The following LYPLAL1 variants were observed in gnomAD, a reference collection of about 807,000 sequenced individuals.
LYPLAL1 encodes the protein lysophospholipase-like protein 1.
LYPLAL1 carries 23 observed loss-of-function variants against 19.7 expected under a neutral mutation model. That is an observed-to-expected ratio of 1.17 (90% CI 0.84 to 1.65). The LOEUF is 1.65. Ranked by LOEUF, LYPLAL1 falls within the 40% of genes most tolerant of loss-of-function variation. The probability of loss-of-function intolerance (pLI) is 0.00; values close to 1 mark genes in which losing one functional copy is unlikely to be tolerated. For synonymous variants in LYPLAL1, 119 were observed against 96.3 expected, an observed-to-expected ratio of 1.24 and a Z score of -1.38; for missense variants, 355 against 279.4, an observed-to-expected ratio of 1.27 and a Z score of -1.93.
At chr1:219,413,372 C>T in the LYPLAL1 span, among the ~76,000 whole-genome samples, 1 of 152,156 alleles carries the variant, frequency 6.6e-6, no homozygotes, top group Admixed American at 6.5e-5. Flanking sequence ...TTCATATGGG[C>T]TTTTCGGACT....
intron 1 of LYPLAL1, chr1:219,175,200 C>A: frequency 3.2e-6 from 2 of 626,200 alleles, no homozygotes; most frequent in Admixed American, 6.3e-5. Flanking sequence ...GATTAGAACC[C>A]AAAGCTCTCC....
At chr1:219,369,979 G>A in the LYPLAL1 span, among the ~76,000 whole-genome samples, 6 of 152,198 alleles carry the variant, frequency 3.9e-5, no homozygotes, top group Non-Finnish European at 5.9e-5. Flanking sequence ...GACAAAAAAA[G>A]AAGAGTGTTT....
At chr1:219,243,598 C>A in the LYPLAL1 span, among the ~76,000 whole-genome samples, 2 of 151,814 alleles carry the variant, frequency 1.3e-5, no homozygotes, top group African/African-American at 4.8e-5. Flanking sequence ...GGAGGTGTGC[C>A]CAGCTACACA....
the LYPLAL1 span, among the ~76,000 whole-genome samples, chr1:219,445,038 C>T: frequency 6.6e-6 from 1 of 150,714 alleles, no homozygotes; most frequent in Non-Finnish European, 1.5e-5. Flanking sequence ...TAGACCACAA[C>T]CTAAAAAGGA....
the LYPLAL1 span, among the ~76,000 whole-genome samples, chr1:219,265,613 A>T: frequency 6.6e-6 from 1 of 152,128 alleles, no homozygotes; most frequent in Non-Finnish European, 1.5e-5. Context: ...ATACATTTCT[A>T]TTGTAGTATA....
chr1:219,430,858 G>A, the LYPLAL1 span, among the ~76,000 whole-genome samples: 1 of 152,046 alleles, frequency 6.6e-6, no homozygotes, highest in South Asian at 2.1e-4. Flanking sequence ...TAATTTATTG[G>A]TAGAGATGGG....
intron 3 of LYPLAL1, among the ~76,000 whole-genome samples, chr1:219,197,072 A>G (rs1287671535): frequency 6.6e-6 from 1 of 152,230 alleles, no homozygotes; most frequent in Non-Finnish European, 1.5e-5. Context: ...AGTAATTTAT[A>G]GATTCAATGC....
At chr1:219,215,308 T>C (rs1659251477), downstream of LYPLAL1, among the ~76,000 whole-genome samples, 1 of 152,190 alleles carries the variant, frequency 6.6e-6, no homozygotes, top group African/African-American at 2.4e-5. Flanking sequence ...ACTTGAATTA[T>C]TTCGGACAAT....
chr1:219,316,900 A>G, the LYPLAL1 span, among the ~76,000 whole-genome samples: 8 of 152,220 alleles, frequency 5.3e-5, no homozygotes, highest in South Asian at 1.5e-3. Flanking sequence ...GGGAGGAGGA[A>G]ATGGGGAGTT....
the LYPLAL1 span, among the ~76,000 whole-genome samples, chr1:219,428,177 G>A: frequency 1.9e-3 from 286 of 152,254 alleles, 1 homozygote; most frequent in African/African-American, 5.5e-3. Flanking sequence ...CCAAGCAGTG[G>A]GTATTCAGTG....
At chr1:219,238,882 A>G in the LYPLAL1 span, among the ~76,000 whole-genome samples, 1 of 152,180 alleles carries the variant, frequency 6.6e-6, no homozygotes, top group Non-Finnish European at 1.5e-5. Context: ...TGTTTTGGGC[A>G]TTTTCTATAT....
the LYPLAL1 span, among the ~76,000 whole-genome samples, chr1:219,344,327 G>A: frequency 3.9e-5 from 6 of 152,090 alleles, no homozygotes; most frequent in African/African-American, 1.4e-4. Context: ...TTCTGAAAGT[G>A]GCTCCTCCTT....
the LYPLAL1 span, among the ~76,000 whole-genome samples, chr1:219,381,667 G>T: frequency 6.6e-6 from 1 of 152,140 alleles, no homozygotes; most frequent in East Asian, 1.9e-4. Context: ...CAAAATAGGA[G>T]AGTGCCCTTT....
At chr1:219,375,932 G>A in the LYPLAL1 span, among the ~76,000 whole-genome samples, 465 of 151,926 alleles carry the variant, frequency 3.1e-3, 3 homozygotes, top group African/African-American at 0.011. Context: ...TAGTAGAGAC[G>A]GGGTTTCTCC....
chr1:219,441,121 AGAGT>A, the LYPLAL1 span, among the ~76,000 whole-genome samples: 1 of 152,254 alleles, frequency 6.6e-6, no homozygotes, highest in African/African-American at 2.4e-5. Flanking sequence ...AAAAAACAAA[AGAGT>A]AAGAGGAAAA....
intron 1 of LYPLAL1, among the ~76,000 whole-genome samples, chr1:219,178,931 G>A (rs1385554344): frequency 6.6e-6 from 1 of 152,070 alleles, no homozygotes; most frequent in Non-Finnish European, 1.5e-5. Context: ...AATCAATGGT[G>A]AAGCCAGGAG....
chr1:219,278,735 C>T, the LYPLAL1 span, among the ~76,000 whole-genome samples: 115 of 151,848 alleles, frequency 7.6e-4, no homozygotes, highest in African/African-American at 2.6e-3. Context: ...GAAAGAAGGG[C>T]GGACACCCTG....
chr1:219,242,407 G>A, the LYPLAL1 span, among the ~76,000 whole-genome samples: 1 of 152,146 alleles, frequency 6.6e-6, no homozygotes, highest in Admixed American at 6.5e-5. Context: ...CAGGCCAGGG[G>A]TCATGGAGAA....
the LYPLAL1 span, among the ~76,000 whole-genome samples, chr1:219,239,385 A>G: frequency 6.6e-6 from 1 of 152,200 alleles, no homozygotes; most frequent in Admixed American, 6.5e-5. Flanking sequence ...TTGCTGAATT[A>G]ATAAGTTAGT....
Sources: gnomAD v4.1 joint callset for allele counts (sites outside exome capture counted in the v4.1 genomes callset) on GRCh38, gnomAD v4.1.1 for gene constraint, MANE v1.5 for transcripts, NCBI Gene and HGNC (gene_info 2026-07-23, HGNC 2026-07-21) for gene names.